The following PTPRN2 variants were observed in gnomAD, a reference collection of about 807,000 sequenced individuals.
The protein encoded by PTPRN2 is receptor-type tyrosine-protein phosphatase N2.
A neutral mutation model predicts 118.8 loss-of-function variants in PTPRN2; 74 were observed. That is an observed-to-expected ratio of 0.62 (90% CI 0.52 to 0.76). The LOEUF (loss-of-function observed/expected upper bound fraction) is 0.76. PTPRN2 is among the 30% of genes least tolerant of loss of function. The pLI, the probability that PTPRN2 is intolerant of heterozygous loss-of-function variation, is 0.00. For missense variants in PTPRN2, 1,481 were observed against 1,394.4 expected (o/e 1.06, Z -0.99); for synonymous variants, 641 against 608.0 (o/e 1.05, Z -0.80).
At chr7:158,355,479 C>T (rs1808311091) in intron 2 of PTPRN2, among the ~76,000 whole-genome samples, 1 of 152,238 alleles carries the variant, frequency 6.6e-6, no homozygotes, top group African/African-American at 2.4e-5. Flanking sequence ...ACTGTGTCAT[C>T]TGTCCGTTTG....
chr7:158,142,716 AG>A (rs1819504413), intron 6 of PTPRN2, among the ~76,000 whole-genome samples: 1 of 152,178 alleles, frequency 6.6e-6, no homozygotes. Context: ...CAACAAACTC[AG>A]GAAAATACAT....
In PTPRN2 at chr7:158,013,695, C is replaced by T. The variant is rs148999324; in HGVS notation, c.1723+67603G>A. ...CCCATCCATCTCTCCATCCATTCACCCACCCACCCATCCATCCATCCAGCC... is the reference window on the plus strand; with the variant it reads ...CCCATCCATCTCTCCATCCATTCACTCACCCACCCATCCATCCATCCAGCC... On this transcript the variant is annotated intron_variant, in intron 11 of 22. Coordinates refer to ENST00000389418, the MANE Select transcript of PTPRN2 (RefSeq NM_002847.5). Among the ~76,000 whole-genome samples, 470 of 150,706 alleles carry T rather than the reference C, an allele frequency of 3.1e-3. 3 individuals carry two copies. The highest frequency in any genetic ancestry group is 0.017 in the Middle Eastern group (5 of 286).
At chr7:158,263,848 T>C (rs1797702047) in intron 3 of PTPRN2, among the ~76,000 whole-genome samples, 2 of 152,146 alleles carry the variant, frequency 1.3e-5, no homozygotes, top group African/African-American at 4.8e-5. Flanking sequence ...AAAGCAAGGC[T>C]GCAATGACGG....
intron 11 of PTPRN2, among the ~76,000 whole-genome samples, chr7:157,931,852 T>C (rs534757478): frequency 5.3e-5 from 8 of 152,278 alleles, no homozygotes; most frequent in Admixed American, 4.6e-4. Context: ...GTGCACAAAA[T>C]TGGGATTCTA....
At chr7:157,738,483 G>A (rs564068938) in intron 12 of PTPRN2, among the ~76,000 whole-genome samples, 1 of 152,352 alleles carries the variant, frequency 6.6e-6, no homozygotes, top group South Asian at 2.1e-4. Context: ...AGCCTTATCC[G>A]AGAGGTGGGT....
chr7:157,611,931 G>C lies in PTPRN2; in HGVS notation c.2345-7856C>G, dbSNP rs1363052854. Among the ~76,000 whole-genome samples, 2 of 152,166 alleles carry C rather than the reference G, an allele frequency of 1.3e-5. No individual in the cohort carries two copies. The highest frequency in any genetic ancestry group is 2.9e-5 in the Non-Finnish European group (2 of 68,018). On this transcript the variant is annotated intron_variant, in intron 15 of 22. Transcript: ENST00000389418. The surrounding 1 kb of genome is among the most constrained non-coding windows in gnomAD (Gnocchi z 5.9). Reference sequence around the variant, plus strand: ...GGAGGGAGAGCGCCCGTGTGAAGACGAAGACAGCCGTGGTCGTGCTGAGGA... The same window carrying C: ...GGAGGGAGAGCGCCCGTGTGAAGACCAAGACAGCCGTGGTCGTGCTGAGGA...
intron 10 of PTPRN2, among the ~76,000 whole-genome samples, chr7:158,087,280 T>C (rs1206814434): frequency 6.6e-6 from 1 of 152,204 alleles, no homozygotes; most frequent in South Asian, 2.1e-4. Flanking sequence ...AATGACGTGG[T>C]TGATACAAGG....
chr7:158,104,820 C>T (rs1425151551), intron 10 of PTPRN2, among the ~76,000 whole-genome samples: 5 of 148,926 alleles, frequency 3.4e-5, no homozygotes, highest in African/African-American at 1.2e-4. Flanking sequence ...CCACACAGCT[C>T]CATCAAACTC....
intron 11 of PTPRN2, among the ~76,000 whole-genome samples, chr7:157,943,165 CA>C (rs1405708842): frequency 6.6e-6 from 1 of 152,226 alleles, no homozygotes; most frequent in Non-Finnish European, 1.5e-5. Flanking sequence ...CAAGAACACA[CA>C]ACACACATTC....
At position 157,613,225 on chromosome 7, in the gene PTPRN2, T is replaced by C. The variant is rs12535094; in HGVS notation, c.2344+8137A>G. 4.2e-3 allele frequency among the ~76,000 whole-genome samples: 640 copies of C among 152,366 alleles called. 10 individuals carry two copies. Among genetic ancestry groups the C allele is most frequent in the Admixed American group, 0.038 (584 of 15,312 alleles). ...CGAGGGCGCTGACGAGGCCGTTTTC[T>C]GGGCTAAGCAGCGACGGCGCTAGGC... On this transcript the variant is annotated intron_variant, in intron 15 of 22. Coordinates refer to ENST00000389418, the MANE Select transcript of PTPRN2 (RefSeq NM_002847.5).
At position 157,540,740 on chromosome 7, in the gene PTPRN2, C is replaced by A; in HGVS notation, c.3022G>T (p.Ala1008Ser). The A allele has an allele frequency of 2.6e-6, 4 of 1,567,478 alleles. No homozygotes were observed. The highest frequency in any genetic ancestry group is 2.6e-6 in the Non-Finnish European group (3 of 1,155,896). The change falls in exon 23 of 23, where the codon GCC becomes TCC. Residue 1008 changes from alanine to serine, a missense_variant. Around this residue, in one of 3 missense-constraint regions of PTPRN2, gnomAD observed 362 missense variants for 384.1 expected, o/e 0.94. Transcript: ENST00000389418. ...ALTAVAEEVN[A>S]ILKALPQ ...CACTGGGGAAGGGCCTTGAGGATGG[C>A]GTTCACCTCCTCAGCCACGGCTGTC...
chr7:157,588,008 C>T (rs942185249), intron 17 of PTPRN2, among the ~76,000 whole-genome samples: 4 of 151,938 alleles, frequency 2.6e-5, no homozygotes, highest in African/African-American at 9.7e-5. Flanking sequence ...CCTGGGCTCC[C>T]GCGGTGGCTG....
chr7:157,942,039 G>C (rs529310932), intron 11 of PTPRN2, among the ~76,000 whole-genome samples: 1 of 148,304 alleles, frequency 6.7e-6, no homozygotes, highest in Non-Finnish European at 1.5e-5. Context: ...GGGGTCCTCG[G>C]CCCACCCTCC....
chr7:157,826,267 G>A (rs1381018321), intron 12 of PTPRN2, among the ~76,000 whole-genome samples: 1 of 74,806 alleles, frequency 1.3e-5, no homozygotes. Context: ...ACGGCAGCAC[G>A]AACACGATCG....
chr7:157,626,369 C>T (rs1803568586), intron 14 of PTPRN2, among the ~76,000 whole-genome samples: 1 of 152,192 alleles, frequency 6.6e-6, no homozygotes, highest in South Asian at 2.1e-4. Flanking sequence ...CATAAGACTG[C>T]TTCTCAGCCT....
At chr7:158,486,631 C>G (rs1053819792) in intron 2 of PTPRN2, among the ~76,000 whole-genome samples, 1 of 152,096 alleles carries the variant, frequency 6.6e-6, no homozygotes, top group Non-Finnish European at 1.5e-5. Context: ...AGGAATTGAC[C>G]CCCAGGGTCA....
chr7:157,574,222 C>A, intron 19 of PTPRN2: 1 of 315,132 alleles, frequency 3.2e-6, no homozygotes, highest in Non-Finnish European at 7.1e-6. Flanking sequence ...TGATACAAAC[C>A]AACCCAGGGG....
rs943921801 is a variant in PTPRN2 at position 158,438,108 on chromosome 7, T to A, written c.163+51627A>T. On this transcript the variant is annotated intron_variant, in intron 2 of 22. Coordinates refer to ENST00000389418, the MANE Select transcript of PTPRN2 (RefSeq NM_002847.5). The surrounding 1 kb of genome is among the most constrained non-coding windows in gnomAD (Gnocchi z 4.7). ...TTTAAGTTTTTTTGGCCAGGGGCTG[T>A]GGCTCACACCTGTCATCCCAGCACT... Among the ~76,000 whole-genome samples, 7 of 152,204 alleles carry A rather than the reference T, an allele frequency of 4.6e-5. No individual in the cohort carries two copies. The highest frequency in any genetic ancestry group is 1.4e-4 in the African/African-American group (6 of 41,458).
intron 12 of PTPRN2, among the ~76,000 whole-genome samples, chr7:157,805,275 AAAT>A (rs1805553747): frequency 1.4e-5 from 2 of 144,618 alleles, no homozygotes; most frequent in African/African-American, 5.3e-5. Context: ...AGCATAGAAA[AAAT>A]ATATATACTC....
Sources: gnomAD v4.1 joint callset for allele counts (sites outside exome capture counted in the v4.1 genomes callset) on GRCh38, gnomAD v4.1.1 for gene constraint, gnomAD v4.1.1 regional missense constraint, Gnocchi (gnomAD v3.1) non-coding constraint, MANE v1.5 for transcripts, NCBI Gene and HGNC (gene_info 2026-07-23, HGNC 2026-07-21) for gene names.